Variants in FAM193A observed in about 807,000 individuals in gnomAD.
FAM193A encodes family with sequence similarity 193 member A.
Under a neutral mutation model 126.5 loss-of-function variants are expected in FAM193A, and 22 were observed. The observed-to-expected ratio is 0.17, with a 90% confidence interval of 0.12 to 0.25. FAM193A has a LOEUF of 0.25. Among genes scored for constraint, FAM193A ranks in the 10% least tolerant of loss-of-function variants. FAM193A has a pLI of 1.00. For synonymous variants in FAM193A, 761 were observed against 646.8 expected (o/e 1.18, Z -2.68); for missense variants, 1,675 against 1,672.8 (o/e 1.00, Z -0.02).
intron 15 of FAM193A, 63 bp downstream of exon 15, chr4:2,691,033 GTCTTTGTAACTCA>G (rs1415023988): frequency 2.7e-6 from 4 of 1,471,620 alleles, no homozygotes; most frequent in Non-Finnish European, 3.7e-6. Context: ...CTGACTTCTC[GTCTTTGTAACTCA>G]TCTTTGTAAC....
At chr4:2,670,210 C>T (rs1425655771) in intron 12 of FAM193A, among the ~76,000 whole-genome samples, 1 of 152,138 alleles carries the variant, frequency 6.6e-6, no homozygotes, top group Non-Finnish European at 1.5e-5. Flanking sequence ...TTTAAGTTTG[C>T]TTTTGAGCCC....
chr4:2,594,589 C>A (rs1040491949), intron 1 of FAM193A, among the ~76,000 whole-genome samples: 11 of 152,280 alleles, frequency 7.2e-5, no homozygotes, highest in Admixed American at 7.2e-4. Flanking sequence ...GGCGAGGCTT[C>A]CCTTTGCCCT....
intron 1 of FAM193A, among the ~76,000 whole-genome samples, chr4:2,588,276 G>A (rs1378803959): frequency 6.6e-6 from 1 of 152,250 alleles, no homozygotes; most frequent in African/African-American, 2.4e-5. Flanking sequence ...GTGTCCTGCC[G>A]TGAAAGTTCT....
intron 12 of FAM193A, among the ~76,000 whole-genome samples, chr4:2,666,452 A>G (rs535327183): frequency 1.3e-5 from 2 of 152,334 alleles, no homozygotes; most frequent in East Asian, 3.9e-4. Flanking sequence ...TAATACTAAT[A>G]AAATATATTG....
intron 18 of FAM193A, among the ~76,000 whole-genome samples, chr4:2,698,519 C>A (rs1717305678): frequency 6.6e-6 from 1 of 152,162 alleles, no homozygotes; most frequent in Non-Finnish European, 1.5e-5. Flanking sequence ...TAATAACATA[C>A]CATTGTTAAA....
chr4:2,711,841 C>T lies in FAM193A; in HGVS notation c.4373-4182C>T, dbSNP rs544888585. 1.6e-4 allele frequency among the ~76,000 whole-genome samples: 24 copies of T among 152,050 alleles called. No homozygotes were observed. In the South Asian group the frequency reaches 2.3e-3, roughly 14 times the overall value. ...ACTGTGGAGGCTGAGGCAGAAGAAT[C>T]GCTTGAATTTGGGAGGCAAAGGTTG... On this transcript the variant is annotated intron_variant, in intron 19 of 20. Coordinates refer to ENST00000637812, the MANE Select transcript of FAM193A (RefSeq NM_001366318.2).
rs1433781613 is a variant in FAM193A at position 2,596,298 on chromosome 4, A to G, written c.470A>G (p.Glu157Gly). 4 of 702,854 alleles carry G rather than the reference A, an allele frequency of 5.7e-6. No homozygotes were observed. The highest frequency in any genetic ancestry group is 1.0e-5 in the Non-Finnish European group (4 of 384,998). The allele number at this position is 702,854 out of a possible 1,614,324, so 43.5% of individuals were successfully genotyped here. Residue 157 changes from glutamate to glycine, a missense_variant, in exon 2 of 21, where the codon GAG (glutamate) becomes GGG (glycine). By Grantham distance (98) the Glu-to-Gly change is moderately conservative. Coordinates refer to ENST00000637812, the MANE Select transcript of FAM193A (RefSeq NM_001366318.2). The stretch of plus-strand genomic sequence containing the variant: ...GACTGCCGCAGGACCGTGGAGAAGG[A>G]GGAGAGGCATGGCGGCCTTGACCAG... ...CPDCRRTVEK[E>G]ERHGGLDQPV... is the part of the protein sequence containing the mutation.
chr4:2,679,553 A>G (rs999778328), intron 13 of FAM193A, among the ~76,000 whole-genome samples: 1 of 151,110 alleles, frequency 6.6e-6, no homozygotes, highest in African/African-American at 2.4e-5. Flanking sequence ...CTAATTTTGT[A>G]TTTTTAGTAG....
chr4:2,566,008 C>T (rs1339316118), intron 1 of FAM193A, among the ~76,000 whole-genome samples: 1 of 151,962 alleles, frequency 6.6e-6, no homozygotes, highest in East Asian at 1.9e-4. Context: ...GTAATCTGTC[C>T]CCTCAAGGTA....
At position 2,700,031 on chromosome 4, in the gene FAM193A, A is replaced by C. The variant is rs1717525978; in HGVS notation, c.3859A>C (p.Arg1287=). 6.2e-7 allele frequency: 1 copy of C among 1,613,882 alleles called. No homozygotes were observed. Among genetic ancestry groups the C allele is most frequent in the African/African-American group, 1.3e-5 (1 of 74,876 alleles). The change falls in exon 19 of 21, where the codon AGG becomes CGG. Residue 1287 remains arginine (R), a synonymous_variant. Transcript: ENST00000637812. The stretch of plus-strand genomic sequence containing the variant: ...CAGGCATATGAACCACTCAGAGCCC[A>C]GGCCAGGGCTAGGGGCTGATGGGGA... ...PSRHMNHSEP[R]PGLGADGDAA... is the part of the protein sequence containing the mutation.
rs1738047054 is a variant in FAM193A, at chr4:2,553,167, G to C, written c.255+15997G>C. On this transcript the variant is annotated intron_variant, in intron 1 of 20. Coordinates refer to ENST00000637812, the MANE Select transcript of FAM193A (RefSeq NM_001366318.2). ...CTGGCCGAAGTTTCATTTTCATTCAGTTTAAAACACTTTCTAGCTGGGTAT... is the reference window on the plus strand; with the variant it reads ...CTGGCCGAAGTTTCATTTTCATTCACTTTAAAACACTTTCTAGCTGGGTAT... Among the ~76,000 whole-genome samples the C allele has an allele frequency of 1.3e-5, 2 of 151,852 alleles. 1 individual carries two copies. The highest frequency in any genetic ancestry group is 4.8e-5 in the African/African-American group (2 of 41,338).
chr4:2,587,382 C>T (rs1231481365), intron 1 of FAM193A, among the ~76,000 whole-genome samples: 2 of 152,184 alleles, frequency 1.3e-5, no homozygotes, highest in East Asian at 3.8e-4. Context: ...CCTCATGACC[C>T]ATGCACTTCC....
chr4:2,559,393 A>C (rs1386613168), intron 1 of FAM193A, among the ~76,000 whole-genome samples: 1 of 152,190 alleles, frequency 6.6e-6, no homozygotes, highest in Non-Finnish European at 1.5e-5. Context: ...ACTTCTCAGT[A>C]CCAACTGAGA....
chr4:2,666,205 A>G (rs1713095961), intron 12 of FAM193A, among the ~76,000 whole-genome samples: 1 of 152,288 alleles, frequency 6.6e-6, no homozygotes, highest in South Asian at 2.1e-4. Flanking sequence ...TGATTTGAAT[A>G]TTGAATTGTA....
At chr4:2,603,435 C>T (rs1388827603) in intron 2 of FAM193A, among the ~76,000 whole-genome samples, 2 of 149,516 alleles carry the variant, frequency 1.3e-5, no homozygotes, top group Non-Finnish European at 3.0e-5. Context: ...CAGGTATGCA[C>T]TACCACGCCC....
Position 2,696,381 on chromosome 4 carries a change from A to C in FAM193A, c.3295A>C (p.Ser1099Arg). Reference protein sequence around the residue: ...GHGGPPAAPTSRNYAEMREKL... With the variant: ...GHGGPPAAPTRRNYAEMREKL... ...TTCTCAGCCTCCAGCTGCACCAACA[A>C]GTAGAAATTATGCAGAAATGAGGGA... The change falls in exon 18 of 21, where the codon AGT becomes CGT. Residue 1099 changes from serine to arginine, a missense_variant. Around this residue, in one of 4 missense-constraint regions of FAM193A, gnomAD observed 54 missense variants for 114.8 expected, o/e 0.47. Coordinates refer to ENST00000637812, the MANE Select transcript of FAM193A (RefSeq NM_001366318.2). 6.2e-7 allele frequency: 1 copy of C among 1,613,108 alleles called. No homozygotes were observed. The highest frequency in any genetic ancestry group is 8.5e-7 in the Non-Finnish European group (1 of 1,179,190).
At chr4:2,553,528 G>A (rs1381787424) in intron 1 of FAM193A, among the ~76,000 whole-genome samples, 1 of 151,624 alleles carries the variant, frequency 6.6e-6, no homozygotes, top group Non-Finnish European at 1.5e-5. Context: ...CTACAGGCGC[G>A]CACCACCATG....
At chr4:2,620,625 A>G (rs189626629) in intron 2 of FAM193A, among the ~76,000 whole-genome samples, 42 of 152,162 alleles carry the variant, frequency 2.8e-4, no homozygotes, top group Non-Finnish European at 5.0e-4. Context: ...GGCAGGCGGG[A>G]TCGCCTGAGG....
intron 17 of FAM193A, 137 bp from the exon 18 acceptor site, chr4:2,696,226 G>A (rs907005450): frequency 1.6e-6 from 1 of 627,404 alleles, no homozygotes; most frequent in Non-Finnish European, 2.7e-6. Context: ...TTTTCTGCTG[G>A]TTGTTGTATT....
Sources: allele counts gnomAD v4.1 joint callset (sites outside exome capture counted in the v4.1 genomes callset), GRCh38; gene constraint gnomAD v4.1.1; regional missense constraint gnomAD v4.1.1; transcripts MANE v1.5; gene names NCBI Gene and HGNC (gene_info 2026-07-23, HGNC 2026-07-21).